Variants in SLIT1 observed in about 807,000 individuals in gnomAD.
SLIT1 encodes the protein slit guidance ligand 1, also known as slit homolog 1 protein.
A neutral mutation model predicts 186.1 loss-of-function variants in SLIT1; 66 were observed. That is an observed-to-expected ratio of 0.35 (90% confidence interval 0.29 to 0.44). The LOEUF is 0.44. Ranked by LOEUF, SLIT1 falls within the 20% of genes least tolerant of loss-of-function variation. The probability of loss-of-function intolerance (pLI) is 1.00; values close to 1 mark genes in which losing one functional copy is unlikely to be tolerated. For synonymous variants in SLIT1, 761 were observed against 833.8 expected (o/e 0.91, Z 1.50); for missense variants, 1,638 against 2,037.4 (o/e 0.80, Z 3.77).
At chr10:97,120,581 G>A (rs984950018) in intron 4 of SLIT1, among the ~76,000 whole-genome samples, 3 of 152,200 alleles carry the variant, frequency 2.0e-5, no homozygotes, top group African/African-American at 4.8e-5. Flanking sequence ...TCTGAGCGGC[G>A]GCGCAGTCCT....
At chr10:97,035,996 C>T (rs1222659581) in intron 22 of SLIT1, among the ~76,000 whole-genome samples, 1 of 152,174 alleles carries the variant, frequency 6.6e-6, no homozygotes, top group African/African-American at 2.4e-5. Flanking sequence ...GAACCCTTAT[C>T]ACCCACACGA....
chr10:97,001,385 G>A (rs755293004), intron 36 of SLIT1, 35 bp from the exon 37 acceptor site: 1 of 1,550,894 alleles, frequency 6.4e-7, no homozygotes, highest in Non-Finnish European at 8.9e-7. Context: ...AAGCCTCAGG[G>A]CACACCCATG....
chr10:97,104,948 C>T (rs922352678), intron 4 of SLIT1, among the ~76,000 whole-genome samples: 3 of 152,216 alleles, frequency 2.0e-5, no homozygotes, highest in Admixed American at 6.5e-5. Flanking sequence ...TGTCACCACC[C>T]GTGAGATGGT....
In SLIT1 at chr10:97,060,807, T is replaced by G. The variant is rs1848887792; in HGVS notation, c.794-20A>C. ...CCTGGCCTGCAGAAACAGGGGGGTG[T>G]GGCCTCAGGCTGTCATGCATCAGCA... is the stretch of plus-strand genomic sequence containing the variant. On this transcript the variant is annotated intron_variant, in intron 8 of 36. Transcript: ENST00000266058. The G allele has an allele frequency of 1.9e-6, 3 of 1,567,936 alleles. No homozygotes were observed. The highest frequency in any genetic ancestry group is 2.6e-6 in the Non-Finnish European group (3 of 1,156,834).
intron 4 of SLIT1, among the ~76,000 whole-genome samples, chr10:97,132,457 A>G (rs1295445625): frequency 6.6e-6 from 1 of 152,096 alleles, no homozygotes; most frequent in Non-Finnish European, 1.5e-5. Context: ...AACTGCCCCC[A>G]TGCAACAGGT....
chr10:97,135,327 C>T (rs149499342), intron 4 of SLIT1, among the ~76,000 whole-genome samples: 6 of 152,246 alleles, frequency 3.9e-5, no homozygotes, highest in Middle Eastern at 6.8e-3. Context: ...CCACTCACTG[C>T]GCAACTCCAT....
Position 97,002,769 on chromosome 10 carries a change from G to A in SLIT1, c.4089C>T (p.His1363=). 1 of 1,612,406 alleles carries A rather than the reference G, an allele frequency of 6.2e-7. No homozygotes were observed. Among genetic ancestry groups the A allele is most frequent in the Non-Finnish European group, 8.5e-7 (1 of 1,178,866 alleles). Residue 1363 remains histidine (H), a synonymous_variant, in exon 35 of 37, where the codon CAC becomes CAT. Coordinates refer to ENST00000266058, the MANE Select transcript of SLIT1 (RefSeq NM_003061.3). ...QPNATPGPMC[H]CEAGWVGLHC... ...GCAGGCCCACCCAGCCAGCCTCGCAGTGGCACATGGGCCCTGGGGTGGCAT... is the reference window on the plus strand; with the variant it reads ...GCAGGCCCACCCAGCCAGCCTCGCAATGGCACATGGGCCCTGGGGTGGCAT...
intron 22 of SLIT1, among the ~76,000 whole-genome samples, chr10:97,036,017 T>C (rs1287945608): frequency 1.3e-5 from 2 of 151,932 alleles, no homozygotes; most frequent in Non-Finnish European, 2.9e-5. Flanking sequence ...CTTTATGCGC[T>C]CCCTCCCCTC....
chr10:97,020,696 C>A (rs912159946), intron 26 of SLIT1, among the ~76,000 whole-genome samples: 1 of 152,284 alleles, frequency 6.6e-6, no homozygotes, highest in Non-Finnish European at 1.5e-5. Flanking sequence ...CCGGCCCCGG[C>A]GGCCACTCAG....
chr10:97,005,066 C>A (rs574410956), intron 32 of SLIT1, among the ~76,000 whole-genome samples: 1 of 152,296 alleles, frequency 6.6e-6, no homozygotes, highest in East Asian at 1.9e-4. Flanking sequence ...GGTGATGGGT[C>A]CCTGAGGCCT....
At chr10:97,065,961 C>A in intron 5 of SLIT1, 54 bp downstream of exon 5, 1 of 1,329,116 alleles carries the variant, frequency 7.5e-7, no homozygotes. Flanking sequence ...GAGGATGCTG[C>A]CAGGAGTGGC....
intron 13 of SLIT1, among the ~76,000 whole-genome samples, chr10:97,055,882 T>G (rs141777953): frequency 3.3e-3 from 504 of 152,344 alleles, no homozygotes; most frequent in African/African-American, 0.011. Context: ...TACCACTGAT[T>G]ATAACATGCA....
rs1275402518 is a variant in SLIT1, at chr10:97,002,250, A to C, written c.4274T>G (p.Leu1425Arg). Residue 1425 changes from leucine to arginine, a missense_variant, in exon 36 of 37, where the codon CTG becomes CGG. Leu to Arg is a moderately radical substitution (Grantham distance 102). Around this residue, in one of 3 missense-constraint regions of SLIT1, gnomAD observed 220 missense variants for 211.3 expected, o/e 1.04. Coordinates refer to ENST00000266058, the MANE Select transcript of SLIT1 (RefSeq NM_003061.3). ...AGALAEPCRG[L>R]QCLHGHCQAS... is the part of the protein sequence containing the mutation. ...CTGGCAGTGGCCATGCAGGCACTGC[A>C]GGCCTCTGCAGGGCTCTGCCAGGGC... The C allele has an allele frequency of 1.3e-6, 2 of 1,599,944 alleles. No individual in the cohort carries two copies. The highest frequency in any genetic ancestry group is 2.3e-5 in the East Asian group (1 of 44,396).
At chr10:97,129,466 A>G (rs1849633888) in intron 4 of SLIT1, among the ~76,000 whole-genome samples, 1 of 152,088 alleles carries the variant, frequency 6.6e-6, no homozygotes, top group Admixed American at 6.5e-5. Flanking sequence ...TAAAGTACCC[A>G]TCACAGTGCC....
At position 96,998,154 on chromosome 10, in the gene SLIT1, T is replaced by C. The variant is rs1251706337; in HGVS notation, c.*2958A>G. The C allele has an allele frequency of 6.6e-6, 1 of 152,190 alleles. No individual in the cohort carries two copies. Among genetic ancestry groups the C allele is most frequent in the Non-Finnish European group, 1.5e-5 (1 of 68,046 alleles). 9.4% of individuals were successfully genotyped at this position (152,190 alleles called of 1,614,324 possible). A position where few individuals can be genotyped will look rare whatever the true frequency, so the allele number is the denominator to read the frequency against. ...CATGGGCCTGTTCTAAACCAGCCTC[T>C]AGGAGTTGATCCAAACAAGACGACT... On this transcript the variant is annotated 3_prime_UTR_variant, in exon 37 of 37. Coordinates refer to ENST00000266058, the MANE Select transcript of SLIT1 (RefSeq NM_003061.3).
intron 4 of SLIT1, among the ~76,000 whole-genome samples, chr10:97,067,699 C>G (rs1171467024): frequency 6.6e-6 from 1 of 152,150 alleles, no homozygotes; most frequent in Non-Finnish European, 1.5e-5. Flanking sequence ...CCTGGTTGGA[C>G]CCGGGCTCCC....
intron 4 of SLIT1, among the ~76,000 whole-genome samples, chr10:97,127,440 A>C (rs1040480431): frequency 6.6e-6 from 1 of 152,246 alleles, no homozygotes; most frequent in Non-Finnish European, 1.5e-5. Context: ...ATGTCTATGC[A>C]GTACCTACCA....
intron 4 of SLIT1, among the ~76,000 whole-genome samples, chr10:97,122,766 A>G (rs1849571244): frequency 2.0e-5 from 3 of 152,084 alleles, no homozygotes; most frequent in Admixed American, 2.0e-4. Flanking sequence ...CTCCTTGTCC[A>G]GAAGCTGCTT....
chr10:97,052,102 TTG>T (rs1589375661), intron 13 of SLIT1, among the ~76,000 whole-genome samples: 2 of 68,004 alleles, frequency 2.9e-5, no homozygotes, highest in Admixed American at 2.2e-4. Flanking sequence ...TTTTTTTTGT[TTG>T]TTTTTTTTTT....
Sources: allele counts gnomAD v4.1 joint callset (sites outside exome capture counted in the v4.1 genomes callset), GRCh38; gene constraint gnomAD v4.1.1; regional missense constraint gnomAD v4.1.1; transcripts MANE v1.5; gene names NCBI Gene and HGNC (gene_info 2026-07-23, HGNC 2026-07-21).